KPNA6: variants seen among roughly 807,000 people sequenced by gnomAD.
The protein encoded by KPNA6 is importin subunit alpha-7.
KPNA6 carries 9 observed loss-of-function variants against 72.0 expected under a neutral mutation model. That is an observed-to-expected ratio of 0.13 (90% CI 0.08 to 0.22). KPNA6 has a LOEUF of 0.22. KPNA6 is among the 10% of genes least tolerant of loss of function. KPNA6 has a pLI of 1.00. For missense variants in KPNA6, 374 were observed against 655.7 expected, an observed-to-expected ratio of 0.57 and a Z score of 4.69; for synonymous variants, 219 against 242.1, an observed-to-expected ratio of 0.90 and a Z score of 0.89.
intron 1 of KPNA6, among the ~76,000 whole-genome samples, chr1:32,117,987 A>T (rs1341896638): frequency 2.0e-5 from 3 of 151,174 alleles, no homozygotes; most frequent in Non-Finnish European, 4.4e-5. Context: ...GCAGTGGCAC[A>T]ATCTCCGCTC....
chr1:32,158,632 C>A (rs1570059974), intron 5 of KPNA6, among the ~76,000 whole-genome samples: 1 of 152,178 alleles, frequency 6.6e-6, no homozygotes, highest in South Asian at 2.1e-4. Context: ...CTTATTAATT[C>A]TTTCTGGGTT....
At chr1:32,130,524 G>A (rs1641618416) in intron 1 of KPNA6, among the ~76,000 whole-genome samples, 2 of 152,130 alleles carry the variant, frequency 1.3e-5, no homozygotes, top group Admixed American at 1.3e-4. Context: ...AGGGTCTCAT[G>A]CCTGTAATCC....
intron 4 of KPNA6, 107 bp downstream of exon 4, chr1:32,157,552 A>G (rs982679442): frequency 1.3e-6 from 1 of 752,260 alleles, no homozygotes; most frequent in South Asian, 1.7e-5. Context: ...CTCTAGCCCT[A>G]CTGACCTTGG....
chr1:32,118,416 C>G (rs965290398), intron 1 of KPNA6, among the ~76,000 whole-genome samples: 3 of 151,624 alleles, frequency 2.0e-5, no homozygotes, highest in African/African-American at 7.3e-5. Flanking sequence ...TTTTCACATC[C>G]TTTTTTCTAT....
intron 1 of KPNA6, among the ~76,000 whole-genome samples, chr1:32,134,403 G>A (rs1391894707): frequency 6.6e-6 from 1 of 151,998 alleles, no homozygotes; most frequent in African/African-American, 2.4e-5. Context: ...CACTTTAGGA[G>A]GCTGAGGCAG....
chr1:32,171,018 C>T lies in KPNA6; in HGVS notation c.*124C>T. On this transcript the variant is annotated 3_prime_UTR_variant, in exon 14 of 14. Coordinates refer to ENST00000373625, the MANE Select transcript of KPNA6 (RefSeq NM_012316.5). ...CCACACACCTCTGCTGCCCTGGAGA[C>T]TGTGCTCTTGACCTGCTCCGCCCCC... The T allele has an allele frequency of 1.2e-6, 1 of 834,648 alleles. No homozygotes were observed. The highest frequency in any genetic ancestry group is 1.9e-6 in the Non-Finnish European group (1 of 526,586). 51.7% of individuals were successfully genotyped at this position (834,648 alleles called of 1,614,324 possible).
At chr1:32,119,684 T>C (rs1421950832) in intron 1 of KPNA6, among the ~76,000 whole-genome samples, 1 of 151,932 alleles carries the variant, frequency 6.6e-6, no homozygotes, top group Non-Finnish European at 1.5e-5. Context: ...GTGGTTCTAG[T>C]GTTGTTGATT....
chr1:32,116,397 G>A (rs1641329373), intron 1 of KPNA6, among the ~76,000 whole-genome samples: 1 of 151,872 alleles, frequency 6.6e-6, no homozygotes, highest in Non-Finnish European at 1.5e-5. Context: ...AGTGGCTCAT[G>A]CCTGTAATCC....
In KPNA6 at chr1:32,170,849, C is replaced by T. The variant is rs141361955; in HGVS notation, c.1566C>T (p.Phe522=). 5.2e-5 allele frequency: 84 copies of T among 1,614,112 alleles called. No individual in the cohort carries two copies. In the African/African-American group the frequency reaches 1.1e-3, roughly 21 times the overall value. ...AAGTCGATGAAACGCAACAGCAGTT[C>T]ATCTTCCAGCAGCCTGAGGCCCCCA... The part of the protein sequence containing the change: ...APQVDETQQQ[F]IFQQPEAPME... The change falls in exon 14 of 14, where the codon TTC becomes TTT. Residue 522 remains phenylalanine (F), a synonymous_variant. Transcript: ENST00000373625.
At chr1:32,116,461 T>G (rs548945295) in intron 1 of KPNA6, among the ~76,000 whole-genome samples, 2 of 152,068 alleles carry the variant, frequency 1.3e-5, no homozygotes, top group African/African-American at 4.8e-5. Context: ...GAGTTCAAGA[T>G]CAGCCTGACT....
At chr1:32,160,556 T>C (rs1292279223) in intron 6 of KPNA6, 59 bp from the exon 7 acceptor site, 2 of 1,328,748 alleles carry the variant, frequency 1.5e-6, no homozygotes, top group East Asian at 4.6e-5. Flanking sequence ...GTTGTGGCTA[T>C]AAAGTACTCA....
chr1:32,170,597 C>T, intron 13 of KPNA6, 110 bp from the exon 14 acceptor site: 1 of 826,982 alleles, frequency 1.2e-6, no homozygotes, highest in Non-Finnish European at 2.0e-6. Flanking sequence ...GATCATATGA[C>T]TTGTGTTTGT....
chr1:32,173,400 T>TA lies in KPNA6; in HGVS notation c.*2506_*2507insA, dbSNP rs1204232521. 4.9e-5 allele frequency: 15 copies of TA among 303,088 alleles called. No homozygotes were observed. Among genetic ancestry groups the TA allele is most frequent in the East Asian group, 4.6e-4 (9 of 19,498 alleles). 18.8% of individuals were successfully genotyped at this position (303,088 alleles called of 1,614,324 possible). A position where few individuals can be genotyped will look rare whatever the true frequency, so the allele number is the denominator to read the frequency against. ...GTCCTGTACCAGATGGAAAATGTTT[T>TA]TGGTGATCTGGCTGCTGCTTAAAGC... is the stretch of plus-strand genomic sequence containing the variant. On this transcript the variant is annotated 3_prime_UTR_variant, in exon 14 of 14. Transcript: ENST00000373625.
intron 10 of KPNA6, 115 bp downstream of exon 10, chr1:32,163,428 G>A (rs1490074633): frequency 2.8e-6 from 2 of 713,946 alleles, no homozygotes; most frequent in Non-Finnish European, 5.0e-6. Context: ...GAGGCACTAT[G>A]GTCTAAGGAA....
At chr1:32,149,939 A>T (rs953126594) in intron 1 of KPNA6, among the ~76,000 whole-genome samples, 1 of 152,072 alleles carries the variant, frequency 6.6e-6, no homozygotes, top group African/African-American at 2.4e-5. Context: ...ACGGTTTCTG[A>T]CAAGAAGCTA....
chr1:32,167,117 C>T (rs1011091016), intron 11 of KPNA6, 52 bp from the exon 12 acceptor site: 10 of 1,596,096 alleles, frequency 6.3e-6, no homozygotes, highest in Non-Finnish European at 8.6e-6. Flanking sequence ...ATTTATTTAT[C>T]ATGCTGAAAT....
intron 1 of KPNA6, among the ~76,000 whole-genome samples, chr1:32,116,600 G>A (rs971886798): frequency 2.0e-5 from 3 of 152,118 alleles, no homozygotes; most frequent in Non-Finnish European, 2.9e-5. Flanking sequence ...GGAGGTTTCG[G>A]TGAGCTGAGA....
intron 1 of KPNA6, 147 bp downstream of exon 1, chr1:32,108,281 T>C: frequency 8.3e-7 from 1 of 1,208,714 alleles, no homozygotes; most frequent in Non-Finnish European, 1.2e-6. Flanking sequence ...GGAGTGCCCC[T>C]CTTGCCAGTT....
chr1:32,133,684 A>AAAAAC (rs1002749724), intron 1 of KPNA6, among the ~76,000 whole-genome samples: 9 of 152,090 alleles, frequency 5.9e-5, no homozygotes, highest in Non-Finnish European at 1.3e-4. Flanking sequence ...AACCTGTCTC[A>AAAAAC]AAAACAAAAC....
Sources: gnomAD v4.1 joint callset for allele counts (sites outside exome capture counted in the v4.1 genomes callset) on GRCh38, gnomAD v4.1.1 for gene constraint, MANE v1.5 for transcripts, NCBI Gene and HGNC (gene_info 2026-07-23, HGNC 2026-07-21) for gene names.